FAS: variants seen among roughly 807,000 people sequenced by gnomAD.
FAS encodes the protein tumor necrosis factor receptor superfamily member 6.
A neutral mutation model predicts 33.2 loss-of-function variants in FAS; 5 were observed. The observed-to-expected ratio is 0.15, with a 90% CI of 0.08 to 0.32. The LOEUF is 0.32. Ranked by LOEUF, FAS falls within the 10% of genes least tolerant of loss-of-function variation. The pLI, the probability that FAS is intolerant of heterozygous loss-of-function variation, is 1.00. For missense variants in FAS, 339 were observed against 386.0 expected (o/e 0.88, Z 1.02); for synonymous variants, 131 against 130.7 (o/e 1.00, Z -0.01).
At chr10:89,007,886 G>A (rs1474530993) in intron 3 of FAS, 49 bp downstream of exon 3, 2 of 1,611,150 alleles carry the variant, frequency 1.2e-6, no homozygotes, top group South Asian at 1.1e-5. Context: ...GGAATTTCAT[G>A]TAGAACCATT....
chr10:88,971,254 A>G (rs1054144994), intron 1 of FAS, among the ~76,000 whole-genome samples: 4 of 152,254 alleles, frequency 2.6e-5, no homozygotes, highest in Admixed American at 6.5e-5. Flanking sequence ...TAAGTGTGTG[A>G]AGTAACAGAT....
In FAS at chr10:89,014,974, T is replaced by C. The variant is rs1848726496; in HGVS notation, c.*524T>C. The C allele has an allele frequency of 1.9e-6, 1 of 533,704 alleles. No homozygotes were observed. The highest frequency in any genetic ancestry group is 1.5e-5 in the South Asian group (1 of 65,084). 33.1% of individuals were successfully genotyped at this position (533,704 alleles called of 1,614,324 possible). ...GAAGATCATATTTATGTAAAGTATA[T>C]GTATTTGAGTGCAGAATTTAAATAA... is the stretch of plus-strand genomic sequence containing the variant. On this transcript the variant is annotated 3_prime_UTR_variant, in exon 9 of 9. Transcript: ENST00000652046.
chr10:88,990,077 G>T (rs1042487836), upstream of FAS, among the ~76,000 whole-genome samples: 2 of 152,184 alleles, frequency 1.3e-5, no homozygotes, highest in Non-Finnish European at 2.9e-5. The surrounding 1 kb of genome is among the most constrained non-coding windows in gnomAD (Gnocchi z 4.9). Context: ...TATAGCTGGG[G>T]CTATGCGATT....
chr10:88,986,050 C>A (rs1264071184), upstream of FAS, among the ~76,000 whole-genome samples: 1 of 152,018 alleles, frequency 6.6e-6, no homozygotes, highest in East Asian at 1.9e-4. Context: ...AACAAAATGA[C>A]TTAGGGAACA....
intron 1 of FAS, among the ~76,000 whole-genome samples, chr10:88,968,312 A>G (rs575193462): frequency 1.3e-5 from 2 of 152,336 alleles, no homozygotes; most frequent in Admixed American, 1.3e-4. Context: ...TGTAGCCAGC[A>G]TATGTAATAC....
Position 89,010,766 on chromosome 10 carries a change from C to T in FAS, c.519C>T (p.Asn173=), listed in dbSNP as rs1382455258. 6.8e-6 allele frequency: 11 copies of T among 1,613,944 alleles called. No homozygotes were observed. Among genetic ancestry groups the T allele is most frequent in the Non-Finnish European group, 9.3e-6 (11 of 1,180,004 alleles). ...TKCKEEGSRS[N]LGWLCLLLLP... is the part of the protein sequence containing the mutation. ...TCCAACCTACAGGATCCAGATCTAA[C>T]TTGGGGTGGCTTTGTCTTCTTCTTT... Residue 173 remains asparagine (N), a synonymous_variant, in exon 6 of 9, where the codon AAC becomes AAT. Transcript: ENST00000652046.
At chr10:88,984,876 C>T (rs777015371), upstream of FAS, among the ~76,000 whole-genome samples, 19 of 152,160 alleles carry the variant, frequency 1.2e-4, no homozygotes, top group Admixed American at 1.3e-4. Context: ...CAGTTATTTT[C>T]TGGAAAGTTT....
intron 2 of FAS, among the ~76,000 whole-genome samples, chr10:88,977,115 C>T (rs1021397200): frequency 4.6e-5 from 7 of 152,010 alleles, no homozygotes; most frequent in African/African-American, 1.7e-4. Context: ...TTGTAGGTTG[C>T]CTGTTCACTC....
At chr10:88,999,722 C>T (rs1847821449) in intron 1 of FAS, among the ~76,000 whole-genome samples, 1 of 152,112 alleles carries the variant, frequency 6.6e-6, no homozygotes, top group South Asian at 2.1e-4. Context: ...TCTGTTTATT[C>T]CTAGTTCAGT....
chr10:89,001,237 G>T (rs575895216), intron 1 of FAS, among the ~76,000 whole-genome samples: 2 of 151,036 alleles, frequency 1.3e-5, no homozygotes, highest in East Asian at 2.0e-4. Flanking sequence ...CCATGCTGAG[G>T]GCTGTCATTT....
intron 1 of FAS, among the ~76,000 whole-genome samples, chr10:88,993,958 A>G (rs1847424085): frequency 6.6e-6 from 1 of 152,246 alleles, no homozygotes; most frequent in Admixed American, 6.5e-5. Context: ...CAAAAATTAA[A>G]TTGATAAATG....
intron 2 of FAS, among the ~76,000 whole-genome samples, chr10:89,006,757 A>G (rs1848250869): frequency 6.6e-6 from 1 of 152,188 alleles, no homozygotes. Context: ...TATTTCCTGC[A>G]TAATATCAAA....
intron 1 of FAS, among the ~76,000 whole-genome samples, chr10:88,971,357 G>A (rs1369536461): frequency 6.6e-6 from 1 of 152,218 alleles, no homozygotes; most frequent in African/African-American, 2.4e-5. Flanking sequence ...ACTTCATGCA[G>A]TATGTTTTGT....
intron 2 of FAS, among the ~76,000 whole-genome samples, chr10:88,980,320 A>G (rs1251952061): frequency 6.6e-6 from 1 of 152,188 alleles, no homozygotes; most frequent in East Asian, 1.9e-4. Flanking sequence ...CTTTGAAGCT[A>G]GGGGACCTGA....
upstream of FAS, among the ~76,000 whole-genome samples, chr10:88,988,091 G>A (rs555025325): frequency 6.6e-6 from 1 of 152,290 alleles, no homozygotes; most frequent in South Asian, 2.1e-4. Flanking sequence ...CTACAATCAC[G>A]TGAGCCAACT....
chr10:88,988,386 C>CAAA (rs971804918), upstream of FAS, among the ~76,000 whole-genome samples: 2 of 142,484 alleles, frequency 1.4e-5, no homozygotes, highest in Non-Finnish European at 3.1e-5. Flanking sequence ...GGGAAAAGAA[C>CAAA]AAAAGTCTTA....
upstream of FAS, among the ~76,000 whole-genome samples, chr10:88,982,717 T>C (rs1270229022): frequency 6.6e-6 from 1 of 152,232 alleles, no homozygotes; most frequent in African/African-American, 2.4e-5. Context: ...TAAGACTTGT[T>C]TCTGCTAAGT....
At chr10:89,008,801 C>T in intron 3 of FAS, 88 bp from the exon 4 acceptor site, 1 of 1,251,372 alleles carries the variant, frequency 8.0e-7, no homozygotes, top group Non-Finnish European at 1.2e-6. Flanking sequence ...CAGTGGATCT[C>T]AAAAATCCAT....
chr10:89,013,417 T>G, intron 8 of FAS, 50 bp downstream of exon 8: 1 of 1,529,234 alleles, frequency 6.5e-7, no homozygotes, highest in Non-Finnish European at 9.0e-7. Flanking sequence ...TTTAGAGTAA[T>G]AGGCCAATTT....
Sources: allele counts gnomAD v4.1 joint callset (sites outside exome capture counted in the v4.1 genomes callset), GRCh38; gene constraint gnomAD v4.1.1; non-coding constraint Gnocchi (gnomAD v3.1); transcripts MANE v1.5; gene names NCBI Gene and HGNC (gene_info 2026-07-23, HGNC 2026-07-21).